The following DHRS4L2 variants were observed in gnomAD, a reference collection of about 807,000 sequenced individuals.
DHRS4L2 encodes dehydrogenase/reductase 4 like 2.
DHRS4L2 carries 22 observed loss-of-function variants against 23.9 expected under a neutral mutation model. That is an observed-to-expected ratio of 0.92 (90% confidence interval 0.66 to 1.31). The LOEUF is 1.31. Ranked by LOEUF, DHRS4L2 falls within the 40% of genes most tolerant of loss-of-function variation. The pLI is 0.00. For missense variants in DHRS4L2, 385 were observed against 303.3 expected (o/e 1.27, Z -2.00); for synonymous variants, 141 against 123.7 (o/e 1.14, Z -0.93).
intron 6 of DHRS4L2, among the ~76,000 whole-genome samples, chr14:24,001,868 T>G (rs2034495699): frequency 1.0e-5 from 1 of 98,568 alleles, no homozygotes; most frequent in Non-Finnish European, 1.8e-5. Flanking sequence ...AAATAGGAAG[T>G]GAAAGAGGGA....
At chr14:23,972,850 ACATC>A (rs754873794) in intron 1 of DHRS4L2, among the ~76,000 whole-genome samples, 6,299 of 151,142 alleles carry the variant, frequency 0.042, 198 homozygotes, top group African/African-American at 0.068. Flanking sequence ...AATAGAATCT[ACATC>A]ATAATTCAGT....
chr14:23,993,866 T>A (rs2034320827), intron 2 of DHRS4L2, among the ~76,000 whole-genome samples: 1 of 151,590 alleles, frequency 6.6e-6, no homozygotes, highest in African/African-American at 2.4e-5. Flanking sequence ...CCAACTCACT[T>A]TCAGAGGTCT....
intron 3 of DHRS4L2, among the ~76,000 whole-genome samples, chr14:23,995,433 G>A (rs375295251): frequency 1.3e-5 from 2 of 151,650 alleles, no homozygotes; most frequent in African/African-American, 4.8e-5. Context: ...CAACAGAGAC[G>A]TAGGCAGCTA....
intron 1 of DHRS4L2, among the ~76,000 whole-genome samples, chr14:23,977,136 C>T (rs2033982680): frequency 6.6e-6 from 1 of 151,894 alleles, no homozygotes; most frequent in Non-Finnish European, 1.5e-5. Flanking sequence ...AGAGCAATAT[C>T]TCACAAAATT....
chr14:23,993,929 C>G (rs897467594), intron 2 of DHRS4L2, among the ~76,000 whole-genome samples: 1 of 151,670 alleles, frequency 6.6e-6, no homozygotes, highest in African/African-American at 2.4e-5. Flanking sequence ...ACTTCTTCCA[C>G]TACTGACTAG....
At position 23,973,547 on chromosome 14, in the gene DHRS4L2, T is replaced by A. The variant is rs1352497593; in HGVS notation, c.-176+3215T>A. ...AGCACACTGCCACCTCTCAAAGGGATGGAGGAAGATCTACAAAACAAATGG... is the reference window on the plus strand; with the variant it reads ...AGCACACTGCCACCTCTCAAAGGGAAGGAGGAAGATCTACAAAACAAATGG... On this transcript the variant is annotated intron_variant, in intron 1 of 5. Coordinates refer to the DHRS4L2 transcript ENST00000534993. 4.0e-5 allele frequency among the ~76,000 whole-genome samples: 6 copies of A among 151,524 alleles called. 1 individual carries two copies. Among genetic ancestry groups the A allele is most frequent in the Non-Finnish European group, 8.8e-5 (6 of 67,874 alleles).
chr14:23,990,169 T>C lies in DHRS4L2; in HGVS notation c.129-13T>C. 6.2e-7 allele frequency: 1 copy of C among 1,612,600 alleles called. No individual in the cohort carries two copies. Among genetic ancestry groups the C allele is most frequent in the Non-Finnish European group, 8.5e-7 (1 of 1,179,268 alleles). On this transcript the variant is annotated splice_polypyrimidine_tract_variant and intron_variant, in intron 1 of 7. Coordinates refer to ENST00000335125, the MANE Select transcript of DHRS4L2 (RefSeq NM_198083.4). Reference sequence around the variant, plus strand: ...CACAGGCCTTAGCAGTCTTTGTCTCTTTCTGCTCACAGGATCGGCTTCGCC... The same window carrying C: ...CACAGGCCTTAGCAGTCTTTGTCTCCTTCTGCTCACAGGATCGGCTTCGCC...
At chr14:23,980,457 G>T (rs1415955067) in intron 1 of DHRS4L2, among the ~76,000 whole-genome samples, 3 of 134,154 alleles carry the variant, frequency 2.2e-5, no homozygotes, top group African/African-American at 8.3e-5. Flanking sequence ...ATTTTATGAG[G>T]CCAGCATCAT....
intron 1 of DHRS4L2, among the ~76,000 whole-genome samples, chr14:23,971,534 G>C (rs1301764008): frequency 3.3e-5 from 5 of 152,124 alleles, no homozygotes; most frequent in African/African-American, 9.6e-5. Flanking sequence ...GCAACCCCAA[G>C]ACACATAATT....
At chr14:23,977,855 A>C (rs1345008831) in intron 1 of DHRS4L2, among the ~76,000 whole-genome samples, 2 of 151,678 alleles carry the variant, frequency 1.3e-5, no homozygotes, top group Non-Finnish European at 2.9e-5. Flanking sequence ...AAAACATGTT[A>C]ATTGTATCCT....
chr14:23,986,750 T>C (rs148164857), upstream of DHRS4L2, among the ~76,000 whole-genome samples: 368 of 150,688 alleles, frequency 2.4e-3, 5 homozygotes, highest in Middle Eastern at 6.8e-3. Context: ...CCCTGGAGGC[T>C]TGTCCCTTTG....
chr14:23,977,883 G>T (rs1389060150), intron 1 of DHRS4L2, among the ~76,000 whole-genome samples: 2 of 151,604 alleles, frequency 1.3e-5, no homozygotes, highest in Non-Finnish European at 2.9e-5. Context: ...AATAAACACT[G>T]CGTATAACTG....
chr14:23,976,584 T>A (rs2138510294), intron 1 of DHRS4L2, among the ~76,000 whole-genome samples: 1 of 151,824 alleles, frequency 6.6e-6, no homozygotes, highest in South Asian at 2.1e-4. Flanking sequence ...TACCAATTGA[T>A]CCAGCAACCC....
intron 1 of DHRS4L2, among the ~76,000 whole-genome samples, chr14:23,980,663 T>A (rs2034035018): frequency 6.7e-6 from 1 of 150,012 alleles, no homozygotes; most frequent in African/African-American, 2.5e-5. Flanking sequence ...AGCAAATCAA[T>A]AAACATAGTC....
chr14:23,995,032 G>C lies in DHRS4L2; in HGVS notation c.307G>C (p.Ala103Pro), dbSNP rs145684750. The change falls in exon 3 of 8, where the codon GCT becomes CCT. Residue 103 changes from alanine to proline, a missense_variant and splice_region_variant. Coordinates refer to ENST00000335125, the MANE Select transcript of DHRS4L2 (RefSeq NM_198083.4). ...AEDRERLVAM[A>P]VKLHGGIDIL... ...GTCCAGACCTTACCCCTCTCTCTAG[G>C]CTGTGAAGCTTCATGGAGGTATCGA... is the stretch of plus-strand genomic sequence containing the variant. 16 of 1,612,824 alleles carry C rather than the reference G, an allele frequency of 9.9e-6. No homozygotes were observed. Among genetic ancestry groups the C allele is most frequent in the Non-Finnish European group, 1.2e-5 (14 of 1,179,418 alleles).
intron 1 of DHRS4L2, among the ~76,000 whole-genome samples, chr14:23,981,739 A>G (rs997789248): frequency 2.6e-5 from 4 of 151,688 alleles, no homozygotes; most frequent in Non-Finnish European, 2.9e-5. Flanking sequence ...GTGGGGAGAA[A>G]GTCAGCAAGA....
intron 2 of DHRS4L2, 67 bp from the exon 3 acceptor site, chr14:23,994,965 T>C (rs1167706775): frequency 5.0e-6 from 8 of 1,591,490 alleles, no homozygotes; most frequent in Non-Finnish European, 6.0e-6. Context: ...GAAGTTTTTA[T>C]CAACATGGGT....
chr14:23,989,824 G>A (rs2034228889), intron 1 of DHRS4L2, among the ~76,000 whole-genome samples: 1 of 151,722 alleles, frequency 6.6e-6, no homozygotes, highest in African/African-American at 2.4e-5. Flanking sequence ...AAACCTGGCG[G>A]CAGGACTGTT....
upstream of DHRS4L2, among the ~76,000 whole-genome samples, chr14:23,987,809 C>T (rs1594462187): frequency 2.0e-5 from 3 of 151,798 alleles, no homozygotes; most frequent in South Asian, 2.1e-4. Flanking sequence ...AGCACTGCTT[C>T]TCAGTCTGGC....
Sources: gnomAD v4.1 joint callset for allele counts (sites outside exome capture counted in the v4.1 genomes callset) on GRCh38, gnomAD v4.1.1 for gene constraint, MANE v1.5 for transcripts, NCBI Gene and HGNC (gene_info 2026-07-23, HGNC 2026-07-21) for gene names.